RERG: variants seen among roughly 807,000 people sequenced by gnomAD.
RERG encodes the protein ras-related and estrogen-regulated growth inhibitor.
Under a neutral mutation model 23.2 loss-of-function variants are expected in RERG, and 25 were observed. The observed-to-expected ratio is 1.08, with a 90% CI of 0.79 to 1.50. RERG has a LOEUF of 1.50. RERG is among the 40% of genes most tolerant of loss of function. RERG has a pLI of 0.00. For missense variants in RERG, 253 were observed against 250.1 expected, an observed-to-expected ratio of 1.01 and a Z score of -0.08; for synonymous variants, 81 against 89.1, an observed-to-expected ratio of 0.91 and a Z score of 0.51.
chr12:15,189,722 C>T (rs1865042523), intron 2 of RERG, among the ~76,000 whole-genome samples: 1 of 152,078 alleles, frequency 6.6e-6, no homozygotes, highest in South Asian at 2.1e-4. Flanking sequence ...GGTTCTACAG[C>T]TAGAGGATTA....
chr12:15,160,668 G>A (rs533266672), intron 2 of RERG, among the ~76,000 whole-genome samples: 3 of 152,234 alleles, frequency 2.0e-5, no homozygotes, highest in East Asian at 3.9e-4. Flanking sequence ...TTATGATCAT[G>A]CTTTGTCCAA....
chr12:15,196,255 T>C (rs1865142564), intron 2 of RERG, among the ~76,000 whole-genome samples: 1 of 152,136 alleles, frequency 6.6e-6, no homozygotes. Context: ...CCCATCCCTG[T>C]TTAACAGTAT....
intron 2 of RERG, among the ~76,000 whole-genome samples, chr12:15,125,864 T>G (rs145757938): frequency 6.6e-6 from 1 of 151,834 alleles, no homozygotes; most frequent in Non-Finnish European, 1.5e-5. Flanking sequence ...TTTACACATG[T>G]ATCTTTACTC....
At chr12:15,116,724 T>A (rs1392537723) in intron 3 of RERG, among the ~76,000 whole-genome samples, 2 of 152,154 alleles carry the variant, frequency 1.3e-5, no homozygotes, top group African/African-American at 4.8e-5. Context: ...TGCATCTACG[T>A]GCTAACTTTT....
chr12:15,150,057 T>C (rs943387035), intron 2 of RERG, among the ~76,000 whole-genome samples: 43 of 152,130 alleles, frequency 2.8e-4, no homozygotes, highest in African/African-American at 9.4e-4. Context: ...TGAAGGCTAC[T>C]GGGGGAAAGG....
Position 15,108,818 on chromosome 12 carries a change from G to A in RERG, c.*292C>T, listed in dbSNP as rs1383994369. ...AACTTCAACCTACTTAAAGCAAGGT[G>A]AAGATGCCTAAAAATAGCTTAACAT... is the stretch of plus-strand genomic sequence containing the variant. On this transcript the variant is annotated 3_prime_UTR_variant, in exon 5 of 5. Coordinates refer to ENST00000256953, the MANE Select transcript of RERG (RefSeq NM_032918.3). 3 of 283,650 alleles carry A rather than the reference G, an allele frequency of 1.1e-5. No homozygotes were observed. Among genetic ancestry groups the A allele is most frequent in the Non-Finnish European group, 1.9e-5 (3 of 154,250 alleles). 17.6% of individuals were successfully genotyped at this position (283,650 alleles called of 1,614,324 possible).
chr12:15,172,462 ATATTTTTTCTTTC>A (rs1197145245), intron 2 of RERG, among the ~76,000 whole-genome samples: 1 of 152,066 alleles, frequency 6.6e-6, no homozygotes, highest in Non-Finnish European at 1.5e-5. Flanking sequence ...TTATGTAGGC[ATATTTTTTCTTTC>A]TATTGGATAT....
chr12:15,149,497 C>T (rs1190925706), intron 2 of RERG, among the ~76,000 whole-genome samples: 1 of 152,082 alleles, frequency 6.6e-6, no homozygotes, highest in Non-Finnish European at 1.5e-5. Flanking sequence ...TACTCAAGGG[C>T]TTTGCAGTTC....
chr12:15,184,849 A>G (rs1864968877), intron 2 of RERG, among the ~76,000 whole-genome samples: 1 of 152,168 alleles, frequency 6.6e-6, no homozygotes, highest in African/African-American at 2.4e-5. Flanking sequence ...AGATTGCATA[A>G]CTTGAAACAC....
chr12:15,142,032 G>T (rs1014607566), intron 2 of RERG, among the ~76,000 whole-genome samples: 3 of 152,076 alleles, frequency 2.0e-5, no homozygotes, highest in Non-Finnish European at 4.4e-5. Context: ...TATTTGGTTT[G>T]TTTCTAACTT....
At chr12:15,160,936 A>T (rs1160848599) in intron 2 of RERG, among the ~76,000 whole-genome samples, 3 of 151,986 alleles carry the variant, frequency 2.0e-5, no homozygotes, top group Admixed American at 6.6e-5. Flanking sequence ...GGAGATCAAG[A>T]TCTTCCTGGC....
At chr12:15,191,659 T>A (rs974543773) in intron 2 of RERG, among the ~76,000 whole-genome samples, 1 of 152,116 alleles carries the variant, frequency 6.6e-6, no homozygotes, top group Non-Finnish European at 1.5e-5. Flanking sequence ...AGGTTCCTTG[T>A]TTTCCCTTGT....
intron 2 of RERG, among the ~76,000 whole-genome samples, chr12:15,171,308 C>T (rs767386353): frequency 4.6e-5 from 7 of 152,064 alleles, no homozygotes; most frequent in African/African-American, 1.4e-4. Flanking sequence ...ATTTACAGTA[C>T]GATTAGTAGA....
chr12:15,216,477 T>A (rs1415814160), intron 2 of RERG, among the ~76,000 whole-genome samples: 2 of 152,326 alleles, frequency 1.3e-5, no homozygotes, highest in East Asian at 3.9e-4. Context: ...AAAGCAATTA[T>A]GTGTATTTGT....
chr12:15,172,354 G>C (rs1374806962), intron 2 of RERG, among the ~76,000 whole-genome samples: 2 of 152,066 alleles, frequency 1.3e-5, no homozygotes, highest in Non-Finnish European at 2.9e-5. Flanking sequence ...ATATGAATAT[G>C]CTATTTTTTA....
At chr12:15,216,116 C>T (rs1052062609) in intron 2 of RERG, among the ~76,000 whole-genome samples, 1 of 152,182 alleles carries the variant, frequency 6.6e-6, no homozygotes, top group Non-Finnish European at 1.5e-5. Context: ...GCCTTCCCTC[C>T]ATCCTCCACT....
chr12:15,191,568 T>A (rs1325099396), intron 2 of RERG, among the ~76,000 whole-genome samples: 1 of 152,188 alleles, frequency 6.6e-6, no homozygotes, highest in Non-Finnish European at 1.5e-5. Context: ...TGCACTCTAC[T>A]TAACTTTCCA....
intron 2 of RERG, among the ~76,000 whole-genome samples, chr12:15,139,462 ATC>A (rs1864199261): frequency 6.6e-6 from 1 of 152,148 alleles, no homozygotes; most frequent in South Asian, 2.1e-4. Flanking sequence ...AACATGCAGT[ATC>A]TCTCCATTTA....
chr12:15,148,524 AC>A (rs1181488534), intron 2 of RERG, among the ~76,000 whole-genome samples: 2 of 152,216 alleles, frequency 1.3e-5, no homozygotes, highest in Non-Finnish European at 2.9e-5. Context: ...AACTTAAGAC[AC>A]TGGGAAAACA....
Sources: gnomAD v4.1 joint callset for allele counts (sites outside exome capture counted in the v4.1 genomes callset) on GRCh38, gnomAD v4.1.1 for gene constraint, MANE v1.5 for transcripts, NCBI Gene and HGNC (gene_info 2026-07-23, HGNC 2026-07-21) for gene names.